Variants in ARHGAP18 observed in about 807,000 individuals in gnomAD.
ARHGAP18 encodes rho GTPase-activating protein 18.
A neutral mutation model predicts 86.2 loss-of-function variants in ARHGAP18; 67 were observed. The ratio of observed to expected loss-of-function variants is 0.78; its 90% confidence interval spans 0.64 to 0.95. The LOEUF is 0.95. ARHGAP18 is among the 40% of genes least tolerant of loss of function. The pLI is 0.00. For missense variants in ARHGAP18, 691 were observed against 780.4 expected, an observed-to-expected ratio of 0.89 and a Z score of 1.37; for synonymous variants, 283 against 280.4, an observed-to-expected ratio of 1.01 and a Z score of -0.09.
chr6:129,655,784 A>C (rs1773823687), intron 1 of ARHGAP18, among the ~76,000 whole-genome samples: 1 of 152,232 alleles, frequency 6.6e-6, no homozygotes. Context: ...TAATTTCTTA[A>C]TGCAATAGTT....
chr6:129,601,749 C>G (rs1788750658), intron 10 of ARHGAP18, among the ~76,000 whole-genome samples: 1 of 151,622 alleles, frequency 6.6e-6, no homozygotes, highest in Non-Finnish European at 1.5e-5. Flanking sequence ...GCCTCAGTCT[C>G]CAGAGTAGCT....
Position 129,629,504 on chromosome 6 carries a change from A to G in ARHGAP18, c.635T>C (p.Val212Ala). ...QGRDDEASNLVGEEKLIPPEE... is the reference protein window; with the variant it reads ...QGRDDEASNLAGEEKLIPPEE... ...AGGTGGGATCAGCTTCTCTTCACCA[A>G]CAAGGTTAGATGCCTCGTCTAGGGG... Residue 212 changes from valine to alanine, a missense_variant, in exon 5 of 15, where the codon GTT (valine) becomes GCT (alanine). Transcript: ENST00000368149. 6.8e-6 allele frequency: 11 copies of G among 1,613,110 alleles called. No homozygotes were observed. Among genetic ancestry groups the G allele is most frequent in the Non-Finnish European group, 9.3e-6 (11 of 1,179,548 alleles).
intron 5 of ARHGAP18, among the ~76,000 whole-genome samples, chr6:129,619,553 A>G (rs1789181606): frequency 1.1e-5 from 1 of 88,630 alleles, no homozygotes; most frequent in Non-Finnish European, 2.3e-5. Context: ...GAGAAAAGGA[A>G]GGGGAGTGGG....
At chr6:129,601,534 A>G (rs2114449596) in intron 10 of ARHGAP18, among the ~76,000 whole-genome samples, 1 of 151,024 alleles carries the variant, frequency 6.6e-6, no homozygotes, top group East Asian at 1.9e-4. Flanking sequence ...GAGAAAAGAG[A>G]GAAGAAAAGA....
intron 1 of ARHGAP18, among the ~76,000 whole-genome samples, chr6:129,673,024 C>A (rs772129066): frequency 6.6e-6 from 1 of 152,236 alleles, no homozygotes; most frequent in Non-Finnish European, 1.5e-5. Flanking sequence ...AAAGCTGAAA[C>A]ATGGGTCTCT....
intron 1 of ARHGAP18, among the ~76,000 whole-genome samples, chr6:129,706,253 C>T (rs1253680717): frequency 6.6e-6 from 1 of 152,060 alleles, no homozygotes; most frequent in Non-Finnish European, 1.5e-5. Flanking sequence ...ATTAAGAAGC[C>T]TGCTTGAAAA....
intron 12 of ARHGAP18, among the ~76,000 whole-genome samples, chr6:129,596,526 C>T: frequency 6.6e-6 from 1 of 152,234 alleles, no homozygotes; most frequent in South Asian, 2.1e-4. Context: ...ATATGAATTA[C>T]TTCCTAGATT....
chr6:129,599,776 TGA>T (rs1327000601), intron 11 of ARHGAP18, among the ~76,000 whole-genome samples: 14 of 152,156 alleles, frequency 9.2e-5, no homozygotes, highest in African/African-American at 3.1e-4. Flanking sequence ...GCTGCTGTCA[TGA>T]GAGAAAGAAC....
chr6:129,597,692 C>T (rs1275912303), intron 12 of ARHGAP18, among the ~76,000 whole-genome samples: 1 of 150,904 alleles, frequency 6.6e-6, no homozygotes, highest in Non-Finnish European at 1.5e-5. Context: ...GTGGCAATAG[C>T]ATTTTGTTGA....
intron 1 of ARHGAP18, among the ~76,000 whole-genome samples, chr6:129,684,107 G>C (rs1006463990): frequency 2.0e-5 from 3 of 152,214 alleles, no homozygotes; most frequent in African/African-American, 7.2e-5. Context: ...GGCCTGGGGA[G>C]AGAGATGTCA....
At chr6:129,590,903 G>C (rs1487850779) in intron 12 of ARHGAP18, among the ~76,000 whole-genome samples, 1 of 152,250 alleles carries the variant, frequency 6.6e-6, no homozygotes, top group Non-Finnish European at 1.5e-5. Context: ...TACAGAGATT[G>C]AGAGTTTGAC....
At chr6:129,616,766 C>A (rs1246558586) in intron 6 of ARHGAP18, among the ~76,000 whole-genome samples, 1 of 151,896 alleles carries the variant, frequency 6.6e-6, no homozygotes, top group Non-Finnish European at 1.5e-5. Context: ...TAAGCCTGGG[C>A]AACATAGCAA....
chr6:129,612,448 C>T (rs1241923642), intron 7 of ARHGAP18, among the ~76,000 whole-genome samples: 2 of 152,210 alleles, frequency 1.3e-5, no homozygotes, highest in Non-Finnish European at 1.5e-5. Context: ...ACTCTCATTT[C>T]ACAATTGCCT....
At chr6:129,703,534 A>G (rs1774753028) in intron 1 of ARHGAP18, among the ~76,000 whole-genome samples, 1 of 152,238 alleles carries the variant, frequency 6.6e-6, no homozygotes, top group Admixed American at 6.5e-5. Context: ...TAATCTCTAA[A>G]TCCTTATATT....
chr6:129,645,919 G>C (rs758399768), intron 1 of ARHGAP18, among the ~76,000 whole-genome samples: 3 of 152,120 alleles, frequency 2.0e-5, no homozygotes, highest in Non-Finnish European at 4.4e-5. Flanking sequence ...CAAGGTATAT[G>C]CTATCCCATT....
chr6:129,590,572 C>T (rs575082215), intron 12 of ARHGAP18, among the ~76,000 whole-genome samples: 50 of 152,300 alleles, frequency 3.3e-4, no homozygotes, highest in African/African-American at 1.2e-3. Flanking sequence ...TCCCACATCC[C>T]TTTCCCTCAA....
At chr6:129,626,757 G>T (rs1789484326) in intron 5 of ARHGAP18, among the ~76,000 whole-genome samples, 1 of 151,750 alleles carries the variant, frequency 6.6e-6, no homozygotes, top group Non-Finnish European at 1.5e-5. Flanking sequence ...TCATATTGTT[G>T]ATGGTAGTAT....
At chr6:129,627,701 GAGA>G (rs917041953) in intron 5 of ARHGAP18, among the ~76,000 whole-genome samples, 8 of 151,896 alleles carry the variant, frequency 5.3e-5, no homozygotes, top group African/African-American at 7.3e-5. Context: ...GAAAGAAACA[GAGA>G]AGGAGATTTA....
intron 8 of ARHGAP18, 52 bp downstream of exon 8, chr6:129,611,481 A>AT: frequency 1.3e-6 from 2 of 1,509,946 alleles, no homozygotes; most frequent in South Asian, 1.1e-5. Context: ...TTTAAAATGC[A>AT]TAAGTGTAAA....
Sources: gnomAD v4.1 joint callset for allele counts (sites outside exome capture counted in the v4.1 genomes callset) on GRCh38, gnomAD v4.1.1 for gene constraint, MANE v1.5 for transcripts, NCBI Gene and HGNC (gene_info 2026-07-23, HGNC 2026-07-21) for gene names.